CEBPZOS: variants seen among roughly 807,000 people sequenced by gnomAD.
CEBPZOS encodes protein CEBPZOS.
CEBPZOS carries 10 observed loss-of-function variants against 4.8 expected under a neutral mutation model. The ratio of observed to expected loss-of-function variants is 2.07; its 90% CI spans 1.28 to 3.52. The LOEUF is 3.52. Ranked by LOEUF, CEBPZOS falls within the 30% of genes most tolerant of loss-of-function variation. The pLI is 0.00. For synonymous variants in CEBPZOS, 25 were observed against 14.2 expected, an observed-to-expected ratio of 1.77 and a Z score of -1.72; for missense variants, 98 against 43.6, an observed-to-expected ratio of 2.25 and a Z score of -3.51.
chr2:37,214,078 A>C, downstream of CEBPZOS: 1 of 492,448 alleles, frequency 2.0e-6, no homozygotes, highest in Non-Finnish European at 3.5e-6. Context: ...AGTATACTCA[A>C]TTGGAAATAA....
intron 1 of CEBPZOS, chr2:37,198,702 A>G (rs978614363): frequency 6.6e-6 from 1 of 152,330 alleles, no homozygotes; most frequent in Non-Finnish European, 1.5e-5. Context: ...TTCTTAGCTT[A>G]TCTTTAATTT....
At chr2:37,211,206 T>G in intron 4 of CEBPZOS, 2 of 561,278 alleles carry the variant, frequency 3.6e-6, no homozygotes, top group Non-Finnish European at 6.1e-6. Flanking sequence ...CCATGTGGGT[T>G]TTGTAATTCC....
chr2:37,211,869 AAC>A, intron 4 of CEBPZOS: 1 of 1,607,196 alleles, frequency 6.2e-7, no homozygotes, highest in Non-Finnish European at 8.5e-7. Context: ...TTCATCATCT[AAC>A]ACATCCATGA....
chr2:37,211,986 G>C, intron 4 of CEBPZOS: 3 of 1,612,242 alleles, frequency 1.9e-6, no homozygotes, highest in Non-Finnish European at 2.5e-6. Flanking sequence ...ACTACCTTCT[G>C]AATCTTCATC....
At chr2:37,207,133 A>G (rs7557416), downstream of CEBPZOS, among the ~76,000 whole-genome samples, 3,336 of 152,300 alleles carry the variant, frequency 0.022, 71 homozygotes, top group African/African-American at 0.061. Context: ...ACCTACCACC[A>G]GAGCTTCCAA....
At chr2:37,208,985 T>C (rs968060199), downstream of CEBPZOS, 3 of 150,056 alleles carry the variant, frequency 2.0e-5, no homozygotes, top group African/African-American at 7.4e-5. Flanking sequence ...AGCATTGCTA[T>C]ACACCAACAG....
At chr2:37,214,802 A>G (rs1677829235), downstream of CEBPZOS, 7 of 831,776 alleles carry the variant, frequency 8.4e-6, no homozygotes. Context: ...GAAGTAGATT[A>G]TTTCATAAAA....
In CEBPZOS at chr2:37,203,017, A is replaced by G. The variant is rs780745665; in HGVS notation, c.*1157A>G. On this transcript the variant is annotated 3_prime_UTR_variant, in exon 5 of 5. Transcript: ENST00000402297. ...TTTCTTTTTTCTTGGCCCTAAAAAA[A>G]ATTGTAAGTCTACATTATTCAATTA... is the stretch of plus-strand genomic sequence containing the variant. 3.3e-6 allele frequency: 5 copies of G among 1,520,570 alleles called. No homozygotes were observed. The highest frequency in any genetic ancestry group is 4.4e-6 in the Non-Finnish European group (5 of 1,130,154). 94.2% of individuals were successfully genotyped at this position (1,520,570 alleles called of 1,614,324 possible).
downstream of CEBPZOS, chr2:37,214,855 T>TC (rs989094877): frequency 1.4e-6 from 2 of 1,405,312 alleles, no homozygotes; most frequent in Admixed American, 2.0e-5. Flanking sequence ...TTTAGCAGTT[T>TC]CCCCAAATGA....
chr2:37,205,555 C>A (rs933220789), downstream of CEBPZOS, among the ~76,000 whole-genome samples: 2 of 152,198 alleles, frequency 1.3e-5, no homozygotes, highest in African/African-American at 4.8e-5. Flanking sequence ...CGGACTCAGC[C>A]CGCCTGCACC....
intron 4 of CEBPZOS, chr2:37,212,025 C>T: frequency 1.9e-6 from 3 of 1,580,486 alleles, no homozygotes; most frequent in Non-Finnish European, 2.6e-6. Context: ...TCCTTTTGTT[C>T]TCTTTTTCAC....
intron 4 of CEBPZOS, chr2:37,211,433 G>A (rs1460797886): frequency 4.3e-6 from 1 of 233,106 alleles, no homozygotes; most frequent in Non-Finnish European, 8.2e-6. Flanking sequence ...GGACAGAAAG[G>A]TCAGACAACA....
chr2:37,212,068 G>C, intron 4 of CEBPZOS: 1 of 1,547,486 alleles, frequency 6.5e-7, no homozygotes. Context: ...TGTAATACAA[G>C]AGGAGGCAGT....
chr2:37,211,040 C>A, intron 4 of CEBPZOS: 1 of 1,612,266 alleles, frequency 6.2e-7, no homozygotes, highest in South Asian at 1.1e-5. Context: ...TGTACCTTTT[C>A]TCTTGCTTTT....
chr2:37,202,066 T>C lies in CEBPZOS; in HGVS notation c.*206T>C, dbSNP rs181243402. ...TTGTTTGTTGCTTTTCTTCTCATAT[T>C]TATTGTCAAAGATAAATGTTTCAAA... is the stretch of plus-strand genomic sequence containing the variant. On this transcript the variant is annotated 3_prime_UTR_variant, in exon 5 of 5. Transcript: ENST00000402297. 2 of 471,116 alleles carry C rather than the reference T, an allele frequency of 4.2e-6. No individual in the cohort carries two copies. Among genetic ancestry groups the C allele is most frequent in the African/African-American group, 4.0e-5 (2 of 50,532 alleles). 29.2% of individuals were successfully genotyped at this position (471,116 alleles called of 1,614,324 possible). A position where few individuals can be genotyped will look rare whatever the true frequency, so the allele number is the denominator to read the frequency against.
In CEBPZOS at chr2:37,212,255, G is replaced by GT. The variant is rs771099852; in HGVS notation, c.*3-1180dup. The stretch of plus-strand genomic sequence containing the variant: ...GACTACATTTCCCCTTTATCATATA[G>GT]TTCTGTGGTCTACTGTTCTGAGGGA... On this transcript the variant is annotated intron_variant, in intron 4 of 4. Coordinates refer to the CEBPZOS transcript ENST00000397064. 76 of 1,277,844 alleles carry GT rather than the reference G, an allele frequency of 5.9e-5. 1 individual carries two copies. The East Asian group carries it at 1.7e-3, about 29-fold the overall frequency. The allele number at this position is 1,277,844 out of a possible 1,614,324, so 79.2% of individuals were successfully genotyped here.
At chr2:37,216,005 T>G (rs1303375409), downstream of CEBPZOS, 1 of 645,976 alleles carries the variant, frequency 1.5e-6, no homozygotes, top group Non-Finnish European at 2.5e-6. Context: ...GAATACCTAT[T>G]CTTGGGAAAA....
downstream of CEBPZOS, chr2:37,213,936 C>G: frequency 6.3e-7 from 1 of 1,580,456 alleles, no homozygotes; most frequent in Non-Finnish European, 8.6e-7. Flanking sequence ...TTTTGTTTCT[C>G]TTTAACAGCA....
In CEBPZOS at chr2:37,199,799, G is replaced by C. The variant is rs1277953827; in HGVS notation, c.95G>C (p.Ser32Thr). The change falls in exon 2 of 5, where the codon AGC (serine) becomes ACC (threonine). Residue 32 changes from serine (S) to threonine (T), a missense_variant. Transcript: ENST00000402297. ...GTTTTTGGAGCATATTTTTTGTTTA[G>C]CAAGATGCACACAAGCCAAGGTAAT... Reference protein sequence around the residue: ...VGVFGAYFLFSKMHTSQDFRQ... With the variant: ...VGVFGAYFLFTKMHTSQDFRQ... 2.8e-6 allele frequency: 2 copies of C among 717,634 alleles called. No homozygotes were observed. Among genetic ancestry groups the C allele is most frequent in the Admixed American group, 4.0e-5 (2 of 50,004 alleles). 44.5% of individuals were successfully genotyped at this position (717,634 alleles called of 1,614,324 possible). A position where few individuals can be genotyped will look rare whatever the true frequency, so the allele number is the denominator to read the frequency against.
Sources: gnomAD v4.1 joint callset for allele counts (sites outside exome capture counted in the v4.1 genomes callset) on GRCh38, gnomAD v4.1.1 for gene constraint, MANE v1.5 for transcripts, NCBI Gene and HGNC (gene_info 2026-07-23, HGNC 2026-07-21) for gene names.